Variants in SSBP2 observed in about 807,000 individuals in gnomAD.
The protein encoded by SSBP2 is single-stranded DNA-binding protein 2.
In SSBP2, 17 loss-of-function variants were observed where a neutral mutation model predicts 61.8. That is an observed-to-expected ratio of 0.28 (90% confidence interval 0.19 to 0.41). The LOEUF (loss-of-function observed/expected upper bound fraction) is 0.41, where lower values mean the gene tolerates loss of function less well. Ranked by LOEUF, SSBP2 falls within the 10% of genes least tolerant of loss-of-function variation. The probability of loss-of-function intolerance (pLI) is 1.00; values close to 1 mark genes in which losing one functional copy is unlikely to be tolerated. For missense variants in SSBP2, 310 were observed against 458.7 expected (o/e 0.68, Z 2.96); for synonymous variants, 139 against 141.3 (o/e 0.98, Z 0.12).
intron 1 of SSBP2, among the ~76,000 whole-genome samples, chr5:81,740,609 G>A (rs143225254): frequency 5.5e-4 from 84 of 152,252 alleles, no homozygotes; most frequent in African/African-American, 1.8e-3. Context: ...GCTTGGAAGA[G>A]ACAACAAAAG....
intron 10 of SSBP2, among the ~76,000 whole-genome samples, chr5:81,454,089 G>T (rs1467424680): frequency 6.6e-6 from 1 of 152,166 alleles, no homozygotes; most frequent in African/African-American, 2.4e-5. Flanking sequence ...TTGCCACATG[G>T]TGATTAAAAA....
At chr5:81,727,405 C>T (rs532081717) in intron 1 of SSBP2, among the ~76,000 whole-genome samples, 6 of 152,148 alleles carry the variant, frequency 3.9e-5, no homozygotes, top group African/African-American at 1.2e-4. Flanking sequence ...CAAAGTTAGC[C>T]GGGAGTGGTG....
chr5:81,572,944 C>T (rs1773939654), intron 4 of SSBP2, among the ~76,000 whole-genome samples: 2 of 152,080 alleles, frequency 1.3e-5, no homozygotes, highest in Admixed American at 6.5e-5. Flanking sequence ...GGTCTGATTC[C>T]AAGATCTGAG....
intron 1 of SSBP2, among the ~76,000 whole-genome samples, chr5:81,653,662 T>C (rs1401057826): frequency 6.6e-6 from 1 of 152,224 alleles, no homozygotes; most frequent in Non-Finnish European, 1.5e-5. Flanking sequence ...AGATGGTATC[T>C]CATTGTGGTT....
intron 12 of SSBP2, among the ~76,000 whole-genome samples, chr5:81,443,665 C>T (rs1580698146): frequency 1.3e-5 from 2 of 152,164 alleles, no homozygotes; most frequent in Non-Finnish European, 2.9e-5. Context: ...CGGGTTCAAG[C>T]GATTCTCTTG....
At chr5:81,667,837 C>A (rs185158107) in intron 1 of SSBP2, among the ~76,000 whole-genome samples, 2 of 152,206 alleles carry the variant, frequency 1.3e-5, no homozygotes, top group Admixed American at 1.3e-4. Flanking sequence ...CATTTTTATT[C>A]TGTGACACAA....
chr5:81,433,044 C>T (rs1221619742), intron 15 of SSBP2, among the ~76,000 whole-genome samples: 2 of 152,086 alleles, frequency 1.3e-5, no homozygotes, highest in East Asian at 2.0e-4. Flanking sequence ...GCGCCTCTGC[C>T]CGGCCGCCCC....
At chr5:81,711,717 C>A (rs1032611661) in intron 1 of SSBP2, among the ~76,000 whole-genome samples, 1 of 151,814 alleles carries the variant, frequency 6.6e-6, no homozygotes, top group African/African-American at 2.4e-5. Flanking sequence ...AAACCTTTAT[C>A]TCATCCAAAA....
At chr5:81,687,603 T>C (rs1386878248) in intron 1 of SSBP2, among the ~76,000 whole-genome samples, 1 of 152,044 alleles carries the variant, frequency 6.6e-6, no homozygotes, top group East Asian at 1.9e-4. Context: ...TTCCTTCCAC[T>C]TGAGGAGAAG....
At chr5:81,698,973 C>T (rs891728873) in intron 1 of SSBP2, among the ~76,000 whole-genome samples, 1 of 152,168 alleles carries the variant, frequency 6.6e-6, no homozygotes, top group Admixed American at 6.6e-5. Flanking sequence ...GGTTCAGTTC[C>T]AGACCACTGC....
At chr5:81,736,757 C>A (rs1008719447) in intron 1 of SSBP2, among the ~76,000 whole-genome samples, 10 of 152,186 alleles carry the variant, frequency 6.6e-5, no homozygotes, top group African/African-American at 1.9e-4. Context: ...CAGGTATTCT[C>A]ATTTGTCCCT....
rs56053770 is a variant in SSBP2 at position 81,412,861 on chromosome 5, G to GTT, written c.*7641_*7642dup. On this transcript the variant is annotated 3_prime_UTR_variant, in exon 17 of 17. Coordinates refer to ENST00000320672, the MANE Select transcript of SSBP2 (RefSeq NM_012446.5). ...ACATATCTATTTGCTAATAACATTA[G>GTT]TTTTTTTTTGGCATTCCATGTTTAG... Among the ~76,000 whole-genome samples, 5 of 151,442 alleles carry GTT rather than the reference G, an allele frequency of 3.3e-5. No homozygotes were observed. The highest frequency in any genetic ancestry group is 2.9e-5 in the Non-Finnish European group (2 of 67,798).
intron 9 of SSBP2, among the ~76,000 whole-genome samples, chr5:81,465,795 C>A (rs1191260559): frequency 6.6e-6 from 1 of 151,832 alleles, no homozygotes; most frequent in Non-Finnish European, 1.5e-5. Context: ...TAATACAAGG[C>A]CAAGCCTTTG....
intron 4 of SSBP2, among the ~76,000 whole-genome samples, chr5:81,543,161 C>T (rs1452740439): frequency 6.6e-6 from 1 of 152,072 alleles, no homozygotes; most frequent in African/African-American, 2.4e-5. Flanking sequence ...GGCCAACATG[C>T]TTATACTCTC....
At chr5:81,495,554 T>C in intron 5 of SSBP2, among the ~76,000 whole-genome samples, 1 of 152,330 alleles carries the variant, frequency 6.6e-6, no homozygotes, top group East Asian at 1.9e-4. Context: ...GCACTTTATT[T>C]ATACCACTTA....
At chr5:81,548,159 G>A (rs1417831260) in intron 4 of SSBP2, among the ~76,000 whole-genome samples, 2 of 152,156 alleles carry the variant, frequency 1.3e-5, no homozygotes, top group African/African-American at 4.8e-5. Context: ...GATGGCAGCT[G>A]ACTGATCAGA....
chr5:81,665,992 G>A (rs1393684093), intron 1 of SSBP2, among the ~76,000 whole-genome samples: 1 of 152,210 alleles, frequency 6.6e-6, no homozygotes, highest in Non-Finnish European at 1.5e-5. Flanking sequence ...TCATAAGACT[G>A]TGAGTAGTTA....
chr5:81,724,282 T>C (rs1009063156), intron 1 of SSBP2, among the ~76,000 whole-genome samples: 2 of 152,008 alleles, frequency 1.3e-5, no homozygotes. Flanking sequence ...GTAATTCTCT[T>C]CTATTAGTTA....
chr5:81,662,751 A>C (rs1750805454), intron 1 of SSBP2, among the ~76,000 whole-genome samples: 1 of 152,172 alleles, frequency 6.6e-6, no homozygotes, highest in East Asian at 1.9e-4. Flanking sequence ...CAGCAAGCCA[A>C]GATCGAGCCA....
Sources: allele counts gnomAD v4.1 joint callset (sites outside exome capture counted in the v4.1 genomes callset), GRCh38; gene constraint gnomAD v4.1.1; transcripts MANE v1.5; gene names NCBI Gene and HGNC (gene_info 2026-07-23, HGNC 2026-07-21).